GRM8: variants seen among roughly 807,000 people sequenced by gnomAD.
GRM8 encodes metabotropic glutamate receptor 8.
In GRM8, 47 loss-of-function variants were observed where a neutral mutation model predicts 87.2. That is an observed-to-expected ratio of 0.54 (90% confidence interval 0.43 to 0.69). The LOEUF (loss-of-function observed/expected upper bound fraction) is 0.69. Ranked by LOEUF, GRM8 falls within the 30% of genes least tolerant of loss-of-function variation. GRM8 has a pLI of 0.00. For missense variants in GRM8, 1,019 were observed against 1,139.2 expected (o/e 0.89, Z 1.52); for synonymous variants, 396 against 404.5 (o/e 0.98, Z 0.25).
chr7:127,131,932 G>T (rs758621868), intron 2 of GRM8, among the ~76,000 whole-genome samples: 5 of 152,060 alleles, frequency 3.3e-5, no homozygotes, highest in Middle Eastern at 3.2e-3. Context: ...AATCTGAACA[G>T]CATGAACTTA....
intron 7 of GRM8, among the ~76,000 whole-genome samples, chr7:126,640,742 C>G (rs1030579206): frequency 2.6e-5 from 4 of 152,074 alleles, no homozygotes; most frequent in African/African-American, 4.8e-5. Flanking sequence ...CCTTCCCCCC[C>G]TCCTACCCAA....
intron 3 of GRM8, among the ~76,000 whole-genome samples, chr7:127,083,923 T>A (rs1425134212): frequency 6.6e-6 from 1 of 152,206 alleles, no homozygotes; most frequent in Non-Finnish European, 1.5e-5. Context: ...GAGACAGTGC[T>A]ATGTTCTGTT....
At chr7:126,453,817 C>A (rs998680047) in intron 9 of GRM8, among the ~76,000 whole-genome samples, 2 of 151,680 alleles carry the variant, frequency 1.3e-5, no homozygotes, top group African/African-American at 4.8e-5. Flanking sequence ...GAATTATTTA[C>A]AGAAATATAG....
chr7:127,088,481 T>C (rs773503799), intron 3 of GRM8, among the ~76,000 whole-genome samples: 11 of 152,204 alleles, frequency 7.2e-5, no homozygotes, highest in Non-Finnish European at 1.5e-4. Context: ...CTATTTCTGA[T>C]GAATATTATG....
intron 8 of GRM8, among the ~76,000 whole-genome samples, chr7:126,564,650 A>G (rs1794038263): frequency 6.6e-6 from 1 of 152,172 alleles, no homozygotes; most frequent in African/African-American, 2.4e-5. Flanking sequence ...ATTACACCAA[A>G]TATTTAAAGA....
chr7:126,447,101 C>T (rs1035891718), intron 9 of GRM8: 2 of 151,768 alleles, frequency 1.3e-5, no homozygotes, highest in Non-Finnish European at 2.9e-5. Context: ...ATTGCTTGCC[C>T]TTATCCCACT....
At chr7:126,870,308 G>A (rs1798983971) in intron 6 of GRM8, 1 of 152,082 alleles carries the variant, frequency 6.6e-6, no homozygotes, top group African/African-American at 2.4e-5. Context: ...CAGTAAGCAT[G>A]GTTCGCTTGC....
intron 9 of GRM8, among the ~76,000 whole-genome samples, chr7:126,521,063 A>C (rs1454016811): frequency 1.3e-5 from 2 of 152,124 alleles, no homozygotes; most frequent in African/African-American, 2.4e-5. Flanking sequence ...CTATCTACCA[A>C]TACTATTTTC....
intron 6 of GRM8, among the ~76,000 whole-genome samples, chr7:126,827,039 T>G (rs1172217370): frequency 6.6e-6 from 1 of 152,202 alleles, no homozygotes; most frequent in Non-Finnish European, 1.5e-5. Flanking sequence ...TATGTGGCAT[T>G]ATTTCTGAGG....
At chr7:126,651,239 T>C (rs1409621298) in intron 7 of GRM8, among the ~76,000 whole-genome samples, 1 of 152,156 alleles carries the variant, frequency 6.6e-6, no homozygotes, top group Non-Finnish European at 1.5e-5. Context: ...CAAAGAAGTG[T>C]GGCAGTGGGC....
chr7:127,124,813 C>T (rs1827274288), intron 2 of GRM8, among the ~76,000 whole-genome samples: 1 of 152,120 alleles, frequency 6.6e-6, no homozygotes, highest in Non-Finnish European at 1.5e-5. Flanking sequence ...GGGAAATCAA[C>T]CTTAGGAGTA....
intron 6 of GRM8, among the ~76,000 whole-genome samples, chr7:126,798,156 C>T (rs1011259332): frequency 8.1e-6 from 1 of 123,586 alleles, no homozygotes; most frequent in Admixed American, 7.8e-5. Context: ...GGGATTAATA[C>T]CTTAGAGCAT....
intron 3 of GRM8, among the ~76,000 whole-genome samples, chr7:127,016,225 C>T (rs1031430277): frequency 6.6e-6 from 1 of 151,974 alleles, no homozygotes; most frequent in Non-Finnish European, 1.5e-5. Context: ...GGAATAGAAT[C>T]GTGGTCTCTG....
At chr7:126,480,597 G>C (rs1490724947) in intron 9 of GRM8, among the ~76,000 whole-genome samples, 1 of 152,040 alleles carries the variant, frequency 6.6e-6, no homozygotes, top group Non-Finnish European at 1.5e-5. Context: ...ATTTCTCACT[G>C]TGTGAGAAAG....
intron 3 of GRM8, among the ~76,000 whole-genome samples, chr7:126,976,044 C>A (rs892418314): frequency 1.3e-5 from 2 of 152,236 alleles, no homozygotes; most frequent in African/African-American, 2.4e-5. Context: ...CAAATAGTTA[C>A]AAATTGTAGT....
chr7:126,598,075 C>A (rs1026917284), intron 8 of GRM8, among the ~76,000 whole-genome samples: 1 of 152,012 alleles, frequency 6.6e-6, no homozygotes, highest in African/African-American at 2.4e-5. Context: ...TCCCCTCCCC[C>A]ACTCCTCCCT....
intron 3 of GRM8, among the ~76,000 whole-genome samples, chr7:126,916,381 G>A (rs753974184): frequency 6.6e-6 from 1 of 152,144 alleles, no homozygotes; most frequent in Non-Finnish European, 1.5e-5. Context: ...CTGATATAGT[G>A]AAATTATCTA....
At chr7:126,476,861 A>C (rs1031033648) in intron 9 of GRM8, among the ~76,000 whole-genome samples, 1 of 151,466 alleles carries the variant, frequency 6.6e-6, no homozygotes, top group South Asian at 2.1e-4. Flanking sequence ...TAAAAAAAAA[A>C]CTGCCATACA....
At chr7:126,492,581 C>T (rs915963617) in intron 9 of GRM8, among the ~76,000 whole-genome samples, 6 of 152,022 alleles carry the variant, frequency 3.9e-5, no homozygotes, top group Admixed American at 6.6e-5. Flanking sequence ...ACTAATTCAC[C>T]TCAAGCCAGT....
Sources: gnomAD v4.1 joint callset for allele counts (sites outside exome capture counted in the v4.1 genomes callset) on GRCh38, gnomAD v4.1.1 for gene constraint, MANE v1.5 for transcripts, NCBI Gene and HGNC (gene_info 2026-07-23, HGNC 2026-07-21) for gene names.